PPM1H: variants seen among roughly 807,000 people sequenced by gnomAD.
PPM1H encodes the protein protein phosphatase, Mg2+/Mn2+ dependent 1H.
Under a neutral mutation model 54.9 loss-of-function variants are expected in PPM1H, and 27 were observed. That is an observed-to-expected ratio of 0.49 (90% CI 0.36 to 0.68). The LOEUF (loss-of-function observed/expected upper bound fraction) is 0.68. Among genes scored for constraint, PPM1H ranks in the 30% least tolerant of loss-of-function variants. The probability of loss-of-function intolerance (pLI) is 0.00; values close to 1 mark genes in which losing one functional copy is unlikely to be tolerated. For missense variants in PPM1H, 596 were observed against 667.8 expected, an observed-to-expected ratio of 0.89 and a Z score of 1.19; for synonymous variants, 305 against 270.8, an observed-to-expected ratio of 1.13 and a Z score of -1.24.
rs773458485 is a variant in PPM1H at position 62,815,763 on chromosome 12, C to T, written c.412-13603G>A. 9.2e-5 allele frequency among the ~76,000 whole-genome samples: 14 copies of T among 152,174 alleles called. 1 individual carries two copies. The East Asian group carries it at 2.1e-3, about 23-fold the overall frequency. ...TGGGAAAATTGAGGTATGGAGAAGC[C>T]GACTGACTTGCACAAGATAACACAT... On this transcript the variant is annotated intron_variant, in intron 2 of 9. Transcript: ENST00000228705.
intron 5 of PPM1H, among the ~76,000 whole-genome samples, chr12:62,726,616 C>T (rs191358472): frequency 9.9e-5 from 15 of 152,230 alleles, no homozygotes; most frequent in East Asian, 5.8e-4. Context: ...GGCTCCAATG[C>T]GGGGATGTGG....
At chr12:62,831,281 T>C (rs1868353319) in intron 2 of PPM1H, among the ~76,000 whole-genome samples, 1 of 152,192 alleles carries the variant, frequency 6.6e-6, no homozygotes, top group African/African-American at 2.4e-5. Context: ...GTCCATTCTG[T>C]GTCTCCTGAT....
At chr12:62,724,048 G>T (rs923340906) in intron 5 of PPM1H, among the ~76,000 whole-genome samples, 1 of 152,138 alleles carries the variant, frequency 6.6e-6, no homozygotes, top group Non-Finnish European at 1.5e-5. Flanking sequence ...CCAGAGGAAA[G>T]AAATATCACA....
At chr12:62,894,365 C>A (rs972375288) in intron 1 of PPM1H, among the ~76,000 whole-genome samples, 4 of 152,166 alleles carry the variant, frequency 2.6e-5, no homozygotes, top group Middle Eastern at 3.4e-3. Context: ...GTAGCCAAGA[C>A]CCAAAAAGGT....
chr12:62,913,301 G>A (rs1871515039), intron 1 of PPM1H, among the ~76,000 whole-genome samples: 1 of 152,216 alleles, frequency 6.6e-6, no homozygotes, highest in African/African-American at 2.4e-5. Flanking sequence ...GTGGACTAGA[G>A]AGTGAGCAGC....
intron 9 of PPM1H, among the ~76,000 whole-genome samples, chr12:62,657,992 A>T (rs2075854959): frequency 6.6e-6 from 1 of 150,702 alleles, no homozygotes; most frequent in Non-Finnish European, 1.5e-5. Flanking sequence ...TACTGCATAA[A>T]TACTGCATAA....
chr12:62,660,166 G>A (rs973959782), intron 9 of PPM1H, among the ~76,000 whole-genome samples: 1 of 152,194 alleles, frequency 6.6e-6, no homozygotes, highest in African/African-American at 2.4e-5. Flanking sequence ...TCTTGGGACT[G>A]AGCTCTCTTT....
intron 1 of PPM1H, among the ~76,000 whole-genome samples, chr12:62,916,194 A>C (rs1243859946): frequency 6.6e-6 from 1 of 152,240 alleles, no homozygotes; most frequent in East Asian, 1.9e-4. Flanking sequence ...GAGGAGGTTT[A>C]ATAAATGTTA....
At chr12:62,690,366 C>T (rs868742172) in intron 7 of PPM1H, among the ~76,000 whole-genome samples, 7 of 152,234 alleles carry the variant, frequency 4.6e-5, no homozygotes, top group Non-Finnish European at 7.4e-5. Flanking sequence ...TGTTTTATGG[C>T]TGGAGAAAAG....
intron 2 of PPM1H, among the ~76,000 whole-genome samples, chr12:62,822,167 A>G (rs1343623813): frequency 6.6e-6 from 1 of 152,234 alleles, no homozygotes; most frequent in East Asian, 1.9e-4. Context: ...GAAGGCCATT[A>G]CATAATGGTA....
chr12:62,688,889 G>A (rs1447282577), intron 8 of PPM1H, among the ~76,000 whole-genome samples: 13 of 152,086 alleles, frequency 8.5e-5, no homozygotes, highest in Non-Finnish European at 1.9e-4. Flanking sequence ...CCAGCTACTC[G>A]GGAGGCTGAG....
chr12:62,798,033 A>T (rs1055774682), intron 3 of PPM1H, among the ~76,000 whole-genome samples: 10 of 152,222 alleles, frequency 6.6e-5, no homozygotes, highest in Non-Finnish European at 1.2e-4. Context: ...TAATAAGGCC[A>T]ACCAGAAAGG....
At chr12:62,772,498 T>A (rs1344114083) in intron 4 of PPM1H, among the ~76,000 whole-genome samples, 1 of 152,184 alleles carries the variant, frequency 6.6e-6, no homozygotes, top group Non-Finnish European at 1.5e-5. Flanking sequence ...ATACTATCTT[T>A]TTTCATAACC....
At chr12:62,879,028 T>C (rs1179552146) in intron 1 of PPM1H, among the ~76,000 whole-genome samples, 1 of 152,246 alleles carries the variant, frequency 6.6e-6, no homozygotes, top group Non-Finnish European at 1.5e-5. Context: ...CGATGGCAAG[T>C]GGATTCTGCT....
At position 62,934,710 on chromosome 12, in the gene PPM1H, C is replaced by T. The variant is rs1385958246; in HGVS notation, c.27G>A (p.Val9=). ...CCATGATGCCGCCCATGAAATTGGC[C>T]ACGGCAGATTTCACTCGAGTGAGCA... MLTRVKSA[V]ANFMGGIMAG... Residue 9 remains valine, a synonymous_variant, in exon 1 of 10, where the codon GTG becomes GTA. Coordinates refer to ENST00000228705, the MANE Select transcript of PPM1H (RefSeq NM_020700.2). The surrounding 1 kb of genome is among the most constrained non-coding windows in gnomAD (Gnocchi z 4.2). 6 of 1,605,406 alleles carry T rather than the reference C, an allele frequency of 3.7e-6. No homozygotes were observed. The highest frequency in any genetic ancestry group is 1.7e-4 in the Middle Eastern group (1 of 5,944).
intron 5 of PPM1H, among the ~76,000 whole-genome samples, chr12:62,721,467 A>G (rs2076263228): frequency 6.6e-6 from 1 of 152,150 alleles, no homozygotes; most frequent in African/African-American, 2.4e-5. Context: ...TGTGCTTCCC[A>G]TTTGCTGTAG....
chr12:62,649,180 C>A (rs536033907), intron 9 of PPM1H, among the ~76,000 whole-genome samples: 7 of 149,228 alleles, frequency 4.7e-5, no homozygotes, highest in African/African-American at 1.7e-4. Context: ...AAGCATATAG[C>A]AAGAATGTGA....
chr12:62,921,286 A>C (rs1012072531), intron 1 of PPM1H, among the ~76,000 whole-genome samples: 2 of 152,136 alleles, frequency 1.3e-5, no homozygotes, highest in African/African-American at 4.8e-5. Context: ...TCCTATACTT[A>C]TACAAAAAAG....
At chr12:62,817,138 A>AAAAAAAAAAAAAAAAAAAAAG (rs2076872951) in intron 2 of PPM1H, among the ~76,000 whole-genome samples, 1 of 84,974 alleles carries the variant, frequency 1.2e-5, no homozygotes. Context: ...AAAAAAAAAG[A>AAAAAAAAAAAAAAAAAAAAAG]AAAAAAAAAA....
Sources: allele counts gnomAD v4.1 joint callset (sites outside exome capture counted in the v4.1 genomes callset), GRCh38; gene constraint gnomAD v4.1.1; non-coding constraint Gnocchi (gnomAD v3.1); transcripts MANE v1.5; gene names NCBI Gene and HGNC (gene_info 2026-07-23, HGNC 2026-07-21).